Variants in HIVEP3 observed in about 807,000 individuals in gnomAD.
The protein encoded by HIVEP3 is transcription factor HIVEP3.
In HIVEP3, 49 loss-of-function variants were observed where a neutral mutation model predicts 152.8. That is an observed-to-expected ratio of 0.32 (90% CI 0.26 to 0.41). HIVEP3 has a LOEUF of 0.41. Among genes scored for constraint, HIVEP3 ranks in the 10% least tolerant of loss-of-function variants. HIVEP3 has a pLI of 1.00. For missense variants in HIVEP3, 2,790 were observed against 3,103.3 expected (o/e 0.90, Z 2.40); for synonymous variants, 1,269 against 1,289.0 (o/e 0.98, Z 0.33).
At chr1:42,016,437 A>C (rs1229305846) in intron 1 of HIVEP3, among the ~76,000 whole-genome samples, 3 of 152,162 alleles carry the variant, frequency 2.0e-5, no homozygotes, top group South Asian at 4.1e-4. Context: ...AAATCAACAT[A>C]CACTCATTGT....
intron 1 of HIVEP3, among the ~76,000 whole-genome samples, chr1:41,868,841 G>T (rs934015445): frequency 6.6e-6 from 1 of 152,186 alleles, no homozygotes; most frequent in South Asian, 2.1e-4. Flanking sequence ...CACTTATTTC[G>T]TAAGACTGTT....
intron 5 of HIVEP3, among the ~76,000 whole-genome samples, chr1:41,540,876 G>A (rs1643513704): frequency 6.6e-6 from 1 of 152,158 alleles, no homozygotes. Context: ...GGGCAAAATA[G>A]ATTCTAATGG....
intron 1 of HIVEP3, among the ~76,000 whole-genome samples, chr1:41,976,234 G>A (rs930386636): frequency 2.0e-5 from 3 of 152,158 alleles, no homozygotes; most frequent in Non-Finnish European, 4.4e-5. Flanking sequence ...TCCTAAATAC[G>A]TTTGTGGCGT....
At chr1:42,027,398 T>C (rs1283207883) in intron 1 of HIVEP3, among the ~76,000 whole-genome samples, 2 of 152,246 alleles carry the variant, frequency 1.3e-5, no homozygotes, top group Non-Finnish European at 2.9e-5. Context: ...ATAGAATTTA[T>C]TTCTAAGACA....
At chr1:41,889,004 CACAT>C (rs956535646) in intron 1 of HIVEP3, among the ~76,000 whole-genome samples, 1 of 148,174 alleles carries the variant, frequency 6.7e-6, no homozygotes, top group African/African-American at 2.5e-5. Context: ...CACCACATAC[CACAT>C]ACACACACCA....
At position 41,584,386 on chromosome 1, in the gene HIVEP3, G is replaced by T. The variant is rs1190334851; in HGVS notation, c.412C>A (p.Leu138Ile). 1.9e-6 allele frequency: 3 copies of T among 1,613,734 alleles called. No homozygotes were observed. The highest frequency in any genetic ancestry group is 1.3e-5 in the African/African-American group (1 of 74,918). Residue 138 changes from leucine to isoleucine, a missense_variant, in exon 4 of 9, where the codon CTC becomes ATC. Transcript: ENST00000372583. The surrounding 1 kb of genome is among the most constrained non-coding windows in gnomAD (Gnocchi z 5.2). ...GPSGSFVAPG[L>I]HPQSQLLPSH... Reference sequence around the variant, plus strand: ...GGAAGGAGCTGGCTCTGAGGATGGAGCCCAGGGGCCACGAAGGAGCCAGAG... The same window carrying T: ...GGAAGGAGCTGGCTCTGAGGATGGATCCCAGGGGCCACGAAGGAGCCAGAG...
At chr1:41,789,691 A>G (rs1437045275) in intron 1 of HIVEP3, among the ~76,000 whole-genome samples, 1 of 152,218 alleles carries the variant, frequency 6.6e-6, no homozygotes, top group Non-Finnish European at 1.5e-5. Context: ...GATGGGGCAC[A>G]CAGACTATTT....
At chr1:41,979,839 T>G (rs144623308) in intron 1 of HIVEP3, among the ~76,000 whole-genome samples, 1 of 152,232 alleles carries the variant, frequency 6.6e-6, no homozygotes, top group Non-Finnish European at 1.5e-5. Context: ...GGAGAAAAAG[T>G]ATCTACTATA....
chr1:41,799,982 C>G (rs12060469), intron 1 of HIVEP3, among the ~76,000 whole-genome samples: 5,954 of 152,214 alleles, frequency 0.039, 382 homozygotes, highest in African/African-American at 0.14. Context: ...CTAGGAGCAG[C>G]CTTACCCAAC....
At chr1:41,874,122 T>C (rs1644127757) in intron 1 of HIVEP3, among the ~76,000 whole-genome samples, 1 of 152,224 alleles carries the variant, frequency 6.6e-6, no homozygotes, top group Admixed American at 6.5e-5. Flanking sequence ...TTCCTTCTTG[T>C]CTTAGAAAGC....
At chr1:41,779,180 A>G (rs1648889797) in intron 1 of HIVEP3, among the ~76,000 whole-genome samples, 1 of 151,790 alleles carries the variant, frequency 6.6e-6, no homozygotes, top group Admixed American at 6.6e-5. Flanking sequence ...TCCCCCAACC[A>G]GGTGCATCTC....
chr1:41,935,699 A>G (rs1300253484), intron 1 of HIVEP3, among the ~76,000 whole-genome samples: 1 of 149,228 alleles, frequency 6.7e-6, no homozygotes, highest in African/African-American at 2.4e-5. Context: ...TGTATTATCT[A>G]GCAATTTAGT....
At chr1:41,749,439 A>G (rs1031482875) in intron 1 of HIVEP3, among the ~76,000 whole-genome samples, 4 of 38,608 alleles carry the variant, frequency 1.0e-4, no homozygotes, top group Non-Finnish European at 4.2e-4. Context: ...TGTGATGGAG[A>G]GACAGAGAGA....
In HIVEP3 at chr1:42,024,537, A is replaced by G. The variant is rs181840876; in HGVS notation, n.119+11270T>C. ...TCCTTCCAGGTAATATAAGGACCTT[A>G]GAATGCTCTTGATTCTTTTTACCCC... On this transcript the variant is annotated intron_variant and non_coding_transcript_variant, in intron 1 of 3. Coordinates refer to the HIVEP3 transcript ENST00000489103. Among the ~76,000 whole-genome samples, 13 of 152,328 alleles carry G rather than the reference A, an allele frequency of 8.5e-5. No homozygotes were observed. In the East Asian group the frequency reaches 2.5e-3, roughly 29 times the overall value.
At chr1:41,929,979 T>C (rs1644988687) in intron 1 of HIVEP3, among the ~76,000 whole-genome samples, 1 of 152,078 alleles carries the variant, frequency 6.6e-6, no homozygotes, top group South Asian at 2.1e-4. Flanking sequence ...TAGAGTACAG[T>C]GTCTGTGTAC....
chr1:41,690,542 G>A (rs1177151342), intron 2 of HIVEP3, among the ~76,000 whole-genome samples: 2 of 152,230 alleles, frequency 1.3e-5, no homozygotes, highest in African/African-American at 2.4e-5. Context: ...CTTGGGCCAG[G>A]AGCCTGGTCA....
At chr1:41,527,200 C>CCCTG (rs1642990581) in intron 5 of HIVEP3, among the ~76,000 whole-genome samples, 7 of 127,234 alleles carry the variant, frequency 5.5e-5, no homozygotes, top group Admixed American at 7.8e-5. Context: ...ACTCCCACTC[C>CCCTG]CACACATGCT....
chr1:41,988,362 G>A (rs1645336190), intron 1 of HIVEP3, among the ~76,000 whole-genome samples: 1 of 152,002 alleles, frequency 6.6e-6, no homozygotes, highest in Non-Finnish European at 1.5e-5. Context: ...AAATATATAA[G>A]AAACTCAAAC....
At chr1:41,974,297 C>T (rs145146535) in intron 1 of HIVEP3, among the ~76,000 whole-genome samples, 2 of 152,124 alleles carry the variant, frequency 1.3e-5, no homozygotes, top group South Asian at 4.1e-4. Context: ...TCAGTTACTG[C>T]TACCAGCTCT....
Sources: gnomAD v4.1 joint callset for allele counts (sites outside exome capture counted in the v4.1 genomes callset) on GRCh38, gnomAD v4.1.1 for gene constraint, Gnocchi (gnomAD v3.1) non-coding constraint, MANE v1.5 for transcripts, NCBI Gene and HGNC (gene_info 2026-07-23, HGNC 2026-07-21) for gene names.